SHTN1: variants seen among roughly 807,000 people sequenced by gnomAD.
SHTN1 encodes shootin-1.
A neutral mutation model predicts 83.1 loss-of-function variants in SHTN1; 42 were observed. That is an observed-to-expected ratio of 0.51 (90% CI 0.39 to 0.65). The LOEUF is 0.65. Among genes scored for constraint, SHTN1 ranks in the 30% least tolerant of loss-of-function variants. The pLI, the probability that SHTN1 is intolerant of heterozygous loss-of-function variation, is 0.00. For synonymous variants in SHTN1, 224 were observed against 247.7 expected (o/e 0.90, Z 0.90); for missense variants, 622 against 737.8 (o/e 0.84, Z 1.82).
intron 2 of SHTN1, among the ~76,000 whole-genome samples, chr10:117,042,404 T>C (rs1852595991): frequency 6.6e-6 from 1 of 152,150 alleles, no homozygotes; most frequent in Non-Finnish European, 1.5e-5. Context: ...CTCCCCTCTC[T>C]CCTAATACTG....
intron 2 of SHTN1, among the ~76,000 whole-genome samples, chr10:117,011,293 C>T (rs2133556160): frequency 6.6e-6 from 1 of 152,300 alleles, no homozygotes; most frequent in Admixed American, 6.5e-5. Flanking sequence ...TACCTTCATA[C>T]CAACTTCAGT....
chr10:117,121,540 C>T (rs530532742), intron 1 of SHTN1, among the ~76,000 whole-genome samples: 1 of 151,218 alleles, frequency 6.6e-6, no homozygotes, highest in Non-Finnish European at 1.5e-5. Flanking sequence ...GATCATGCCA[C>T]TATACTCCAG....
chr10:116,996,997 G>A (rs910444383), intron 1 of SHTN1, among the ~76,000 whole-genome samples: 1 of 152,104 alleles, frequency 6.6e-6, no homozygotes, highest in Non-Finnish European at 1.5e-5. Flanking sequence ...AAAGACCTTC[G>A]AGCTAAAGAT....
intron 7 of SHTN1, among the ~76,000 whole-genome samples, chr10:116,946,485 TTTTA>T (rs1042370448): frequency 6.3e-5 from 9 of 143,432 alleles, no homozygotes; most frequent in Admixed American, 1.4e-4. Flanking sequence ...AATGTAAATA[TTTTA>T]TATATAAATA....
intron 16 of SHTN1, among the ~76,000 whole-genome samples, chr10:116,899,546 T>TGTGTGTGA (rs1311755308): frequency 0.011 from 1,384 of 123,774 alleles, 27 homozygotes; most frequent in African/African-American, 0.039. Context: ...TGTGTGTGTG[T>TGTGTGTGA]GAGAGAGTGC....
rs12782284 is a variant in SHTN1 at position 116,914,946 on chromosome 10, C to T, written c.1305+429G>A. ...GTTCTGCTGTTGTTATTATGTGATT[C>T]CGTCCACTATAATAGAAGCCTCAGC... is the stretch of plus-strand genomic sequence containing the variant. On this transcript the variant is annotated intron_variant, in intron 13 of 16. Coordinates refer to ENST00000355371, the MANE Select transcript of SHTN1 (RefSeq NM_001127211.3). 5.3e-3 allele frequency among the ~76,000 whole-genome samples: 810 copies of T among 152,278 alleles called. 7 individuals carry two copies. Among genetic ancestry groups the T allele is most frequent in the Middle Eastern group, 0.017 (5 of 294 alleles).
At chr10:117,052,445 A>T (rs1457341424) in intron 1 of SHTN1, among the ~76,000 whole-genome samples, 1 of 152,082 alleles carries the variant, frequency 6.6e-6, no homozygotes, top group Non-Finnish European at 1.5e-5. Context: ...TACATATGAA[A>T]TGGCACAGGA....
At chr10:116,934,350 C>T (rs1371208408) in intron 9 of SHTN1, among the ~76,000 whole-genome samples, 3 of 151,958 alleles carry the variant, frequency 2.0e-5, no homozygotes, top group African/African-American at 7.2e-5. Flanking sequence ...ATAAGATTTA[C>T]GTAAGGAAGA....
intron 1 of SHTN1, among the ~76,000 whole-genome samples, chr10:116,988,281 A>C (rs1851295307): frequency 6.6e-6 from 1 of 151,600 alleles, no homozygotes; most frequent in South Asian, 2.1e-4. Context: ...CTTCTAAAAA[A>C]AAGTCTTATT....
chr10:116,972,155 G>T (rs894280360), intron 2 of SHTN1, among the ~76,000 whole-genome samples: 1 of 152,142 alleles, frequency 6.6e-6, no homozygotes, highest in Non-Finnish European at 1.5e-5. Context: ...CAACATGCAG[G>T]TAGCCCATTT....
intron 1 of SHTN1, among the ~76,000 whole-genome samples, chr10:116,985,216 T>C (rs1189336656): frequency 1.3e-5 from 2 of 152,230 alleles, no homozygotes; most frequent in Non-Finnish European, 1.5e-5. Flanking sequence ...CCAGAGTCCA[T>C]GCCTATGTTG....
intron 2 of SHTN1, among the ~76,000 whole-genome samples, chr10:117,025,402 G>A (rs2133567657): frequency 6.6e-6 from 1 of 152,322 alleles, no homozygotes; most frequent in Admixed American, 6.5e-5. Flanking sequence ...TTGAGTTCCT[G>A]CAAGCTTCGC....
chr10:117,016,119 G>T (rs1035480395), intron 2 of SHTN1, among the ~76,000 whole-genome samples: 4 of 152,116 alleles, frequency 2.6e-5, no homozygotes, highest in African/African-American at 9.7e-5. Flanking sequence ...ATTCACAAAT[G>T]TAAACAAATA....
At chr10:116,966,674 C>T (rs1226110487) in intron 3 of SHTN1, among the ~76,000 whole-genome samples, 1 of 152,164 alleles carries the variant, frequency 6.6e-6, no homozygotes, top group Non-Finnish European at 1.5e-5. Context: ...TCTGGTTTTG[C>T]ATAATGCAGG....
intron 2 of SHTN1, among the ~76,000 whole-genome samples, chr10:116,974,374 G>A (rs1043639061): frequency 2.0e-4 from 30 of 152,268 alleles, no homozygotes; most frequent in Non-Finnish European, 4.0e-4. Context: ...TGCATATCTT[G>A]CTCTTTAAAG....
At chr10:117,073,861 C>T in intron 1 of SHTN1, among the ~76,000 whole-genome samples, 1 of 152,146 alleles carries the variant, frequency 6.6e-6, no homozygotes, top group East Asian at 1.9e-4. Flanking sequence ...CTTGAGGCAG[C>T]CATCAGGATT....
intron 1 of SHTN1, among the ~76,000 whole-genome samples, chr10:117,116,465 C>A (rs1853849887): frequency 6.6e-6 from 1 of 152,078 alleles, no homozygotes; most frequent in African/African-American, 2.4e-5. Context: ...GATGACTTCA[C>A]TGCTGAGTTC....
intron 1 of SHTN1, among the ~76,000 whole-genome samples, chr10:117,099,070 T>C (rs1481536617): frequency 6.8e-6 from 1 of 146,852 alleles, no homozygotes; most frequent in Non-Finnish European, 1.5e-5. Flanking sequence ...AAATAATGTC[T>C]TTTGCAACCA....
rs184843542 is a variant in SHTN1, at chr10:117,035,675, G to A, written c.-123+12770C>T. Reference sequence around the variant, plus strand: ...ATTTAAAAATGGGCAAAAATGGCCAGACATGGTGGCTCACGTCTGTAATCC... The same window carrying A: ...ATTTAAAAATGGGCAAAAATGGCCAAACATGGTGGCTCACGTCTGTAATCC... On this transcript the variant is annotated intron_variant, in intron 2 of 17. Coordinates refer to the SHTN1 transcript ENST00000392901. 2.4e-4 allele frequency among the ~76,000 whole-genome samples: 36 copies of A among 152,192 alleles called. No homozygotes were observed. The Middle Eastern group carries it at 0.01, about 43-fold the overall frequency.
Sources: gnomAD v4.1 joint callset for allele counts (sites outside exome capture counted in the v4.1 genomes callset) on GRCh38, gnomAD v4.1.1 for gene constraint, MANE v1.5 for transcripts, NCBI Gene and HGNC (gene_info 2026-07-23, HGNC 2026-07-21) for gene names.